The following CIB4 variants were observed in gnomAD, a reference collection of about 807,000 sequenced individuals.
CIB4 encodes the protein calcium and integrin binding family member 4.
CIB4 carries 25 observed loss-of-function variants against 25.8 expected under a neutral mutation model. That is an observed-to-expected ratio of 0.97 (90% CI 0.71 to 1.35). The LOEUF is 1.35. CIB4 is among the 40% of genes most tolerant of loss of function. CIB4 has a pLI of 0.00. For missense variants in CIB4, 235 were observed against 228.2 expected (o/e 1.03, Z -0.19); for synonymous variants, 75 against 81.4 (o/e 0.92, Z 0.42).
intron 2 of CIB4, among the ~76,000 whole-genome samples, chr2:26,633,506 C>T (rs1400367120): frequency 6.6e-6 from 1 of 152,182 alleles, no homozygotes; most frequent in Non-Finnish European, 1.5e-5. Context: ...GAGTCACCCC[C>T]CTGGAAAGTC....
chr2:26,588,122 G>T (rs1221041740), intron 4 of CIB4, among the ~76,000 whole-genome samples: 3 of 152,246 alleles, frequency 2.0e-5, no homozygotes, highest in Admixed American at 2.0e-4. Context: ...GAAGGGACCA[G>T]CCCCAGGGCC....
At chr2:26,584,692 G>C (rs1252527799) in intron 4 of CIB4, among the ~76,000 whole-genome samples, 3 of 152,188 alleles carry the variant, frequency 2.0e-5, no homozygotes, top group Non-Finnish European at 4.4e-5. Context: ...AATGTGACAG[G>C]GAGCCTGCAG....
intron 4 of CIB4, among the ~76,000 whole-genome samples, chr2:26,594,366 C>T (rs1159467745): frequency 6.6e-6 from 1 of 152,140 alleles, no homozygotes; most frequent in African/African-American, 2.4e-5. Context: ...CCTCATAGGT[C>T]CCTCTGGCTT....
intron 3 of CIB4, chr2:26,623,747 G>A: frequency 3.1e-6 from 1 of 321,732 alleles, no homozygotes; most frequent in South Asian, 2.7e-5. Flanking sequence ...AGGGGGGTGA[G>A]GTGGCCCCGC....
At chr2:26,630,728 CCA>C (rs1654272694) in intron 2 of CIB4, among the ~76,000 whole-genome samples, 2 of 152,092 alleles carry the variant, frequency 1.3e-5, no homozygotes, top group Admixed American at 6.5e-5. Flanking sequence ...AAATCTCCCC[CCA>C]CACACTCGTG....
At chr2:26,602,300 A>G (rs910461168) in intron 3 of CIB4, among the ~76,000 whole-genome samples, 2 of 152,222 alleles carry the variant, frequency 1.3e-5, no homozygotes, top group Admixed American at 1.3e-4. Flanking sequence ...AAAGACCAAA[A>G]TAATATAAAT....
chr2:26,636,694 GA>G (rs1244425528), intron 2 of CIB4, among the ~76,000 whole-genome samples: 1 of 151,126 alleles, frequency 6.6e-6, no homozygotes, highest in Non-Finnish European at 1.5e-5. Context: ...CATAAGAGAT[GA>G]TTTTTTTAAT....
At chr2:26,604,191 G>C (rs1215421834) in intron 3 of CIB4, among the ~76,000 whole-genome samples, 1 of 151,988 alleles carries the variant, frequency 6.6e-6, no homozygotes, top group Admixed American at 6.6e-5. Context: ...ACCAGTCTGG[G>C]CAGTTTAGCA....
rs994703536 is a variant in CIB4, at chr2:26,627,738, C to T, written c.186+1672G>A. Among the ~76,000 whole-genome samples, 1 of 152,200 alleles carries T rather than the reference C, an allele frequency of 6.6e-6. No individual in the cohort carries two copies. On this transcript the variant is annotated intron_variant, in intron 3 of 6. Coordinates refer to ENST00000288861, the MANE Select transcript of CIB4 (RefSeq NM_001029881.3). The surrounding 1 kb of genome is among the most constrained non-coding windows in gnomAD (Gnocchi z 4.0). ...ATTTCTTTCCCCTCCAGAATCCCAG[C>T]TTCTCCCAGCTACCCCCACCCACCT...
chr2:26,595,010 CT>C (rs144225462), intron 4 of CIB4, among the ~76,000 whole-genome samples, 165 bp downstream of exon 4: 3,157 of 149,622 alleles, frequency 0.021, 122 homozygotes, highest in African/African-American at 0.072. Flanking sequence ...CATTCTCAAT[CT>C]TTTTTTTTTA....
intron 3 of CIB4, among the ~76,000 whole-genome samples, chr2:26,596,021 T>A (rs1298924471): frequency 6.6e-6 from 1 of 152,234 alleles, no homozygotes; most frequent in Non-Finnish European, 1.5e-5. Flanking sequence ...GTGAGCACGT[T>A]GGAAGATGCA....
intron 3 of CIB4, among the ~76,000 whole-genome samples, chr2:26,612,121 C>T (rs1312949504): frequency 2.5e-5 from 2 of 80,960 alleles, no homozygotes; most frequent in Non-Finnish European, 5.0e-5. Context: ...GGGTTGGAGG[C>T]AGGAGCTTTT....
At chr2:26,601,232 ATAT>A (rs1181855245) in intron 3 of CIB4, among the ~76,000 whole-genome samples, 70 of 45,352 alleles carry the variant, frequency 1.5e-3, no homozygotes, top group African/African-American at 5.3e-3. Flanking sequence ...AAAAAAAAAA[ATAT>A]ATATATATAT....
chr2:26,631,475 A>G (rs531312035), intron 2 of CIB4, among the ~76,000 whole-genome samples: 1 of 152,178 alleles, frequency 6.6e-6, no homozygotes, highest in Non-Finnish European at 1.5e-5. Flanking sequence ...CCCCGTCTCA[A>G]TAAACAACAA....
Position 26,638,361 on chromosome 2 carries a change from C to T in CIB4, c.89+2172G>A, listed in dbSNP as rs576531851. ...CTGGGTGGGAGGTTCAGAAGGGAGG[C>T]GTCCATAAGCATGGCTCGCTTCCAA... On this transcript the variant is annotated intron_variant, in intron 2 of 6. Transcript: ENST00000288861. 3.3e-5 allele frequency among the ~76,000 whole-genome samples: 5 copies of T among 152,214 alleles called. No individual in the cohort carries two copies. In the South Asian group the frequency reaches 8.3e-4, roughly 25 times the overall value.
intron 3 of CIB4, among the ~76,000 whole-genome samples, chr2:26,602,572 A>G (rs1009752917): frequency 6.6e-6 from 1 of 152,224 alleles, no homozygotes; most frequent in Non-Finnish European, 1.5e-5. Flanking sequence ...ACATGTACAG[A>G]TGGATAGATA....
At chr2:26,594,904 C>T (rs1205672854) in intron 4 of CIB4, among the ~76,000 whole-genome samples, 4 of 152,140 alleles carry the variant, frequency 2.6e-5, no homozygotes, top group East Asian at 3.9e-4. Context: ...CTCTCTCTCT[C>T]GCCTGCCCAC....
intron 3 of CIB4, among the ~76,000 whole-genome samples, chr2:26,610,286 C>A (rs935131338): frequency 9.9e-5 from 15 of 152,204 alleles, no homozygotes; most frequent in African/African-American, 3.6e-4. Context: ...AACAATTGAT[C>A]TATTTTGTCC....
At position 26,581,304 on chromosome 2, in the gene CIB4, A is replaced by AG; in HGVS notation, c.*58dup. On this transcript the variant is annotated 3_prime_UTR_variant, in exon 7 of 7. Coordinates refer to ENST00000288861, the MANE Select transcript of CIB4 (RefSeq NM_001029881.3). Reference sequence around the variant, plus strand: ...TCAAACCAGCTCCCTCCAGTGCTGGAGGGGGTTCGATTCCTGTGGTCTCCC... The same window carrying AG: ...TCAAACCAGCTCCCTCCAGTGCTGGAGGGGGGTTCGATTCCTGTGGTCTCCC... 3 of 1,429,654 alleles carry AG rather than the reference A, an allele frequency of 2.1e-6. No individual in the cohort carries two copies. Among genetic ancestry groups the AG allele is most frequent in the Middle Eastern group, 1.7e-4 (1 of 5,730 alleles). 88.6% of individuals were successfully genotyped at this position (1,429,654 alleles called of 1,614,324 possible).
Sources: allele counts gnomAD v4.1 joint callset (sites outside exome capture counted in the v4.1 genomes callset), GRCh38; gene constraint gnomAD v4.1.1; non-coding constraint Gnocchi (gnomAD v3.1); transcripts MANE v1.5; gene names NCBI Gene and HGNC (gene_info 2026-07-23, HGNC 2026-07-21).